TRPC5: variants seen among roughly 807,000 people sequenced by gnomAD.
TRPC5 encodes the protein short transient receptor potential channel 5.
A neutral mutation model predicts 56.5 loss-of-function variants in TRPC5; 9 were observed. That is an observed-to-expected ratio of 0.16 (90% CI 0.10 to 0.28). The LOEUF is 0.28. TRPC5 is among the 10% of genes least tolerant of loss of function. The probability of loss-of-function intolerance (pLI) is 1.00; values close to 1 mark genes in which losing one functional copy is unlikely to be tolerated. For synonymous variants in TRPC5, 282 were observed against 278.5 expected (o/e 1.01, Z -0.13); for missense variants, 469 against 748.9 (o/e 0.63, Z 4.36).
At chrX:111,936,939 G>C (rs1186091871) in intron 2 of TRPC5, among the ~76,000 whole-genome samples, 1 of 104,465 alleles carries the variant, frequency 9.6e-6, no homozygotes, top group African/African-American at 3.7e-5. Flanking sequence ...CACAAGGGTT[G>C]AACTAGTTTA....
At chrX:111,862,494 T>C (rs1923431900) in intron 3 of TRPC5, among the ~76,000 whole-genome samples, 1 of 112,360 alleles carries the variant, frequency 8.9e-6, no homozygotes. Flanking sequence ...CTGACAGACT[T>C]ACTGTTGTCA....
chrX:111,842,587 G>A (rs984790023), intron 6 of TRPC5, among the ~76,000 whole-genome samples: 5 of 112,281 alleles, frequency 4.5e-5, no homozygotes, highest in African/African-American at 1.6e-4. Context: ...CAACGCTTTG[G>A]ATGGAAATCG....
chrX:111,791,055 A>AAAAAC (rs1946017203), intron 7 of TRPC5, among the ~76,000 whole-genome samples: 1 of 82,850 alleles, frequency 1.2e-5, no homozygotes, highest in Non-Finnish European at 2.2e-5. Flanking sequence ...AAAAAAAAAG[A>AAAAAC]CCTGACCCTC....
intron 7 of TRPC5, among the ~76,000 whole-genome samples, chrX:111,817,362 T>C (rs1921891424): frequency 1.0e-5 from 1 of 100,304 alleles, no homozygotes; most frequent in Admixed American, 1.1e-4. Context: ...AGTCTAGCTC[T>C]ATCACCCAGG....
intron 1 of TRPC5, among the ~76,000 whole-genome samples, chrX:112,000,215 A>G (rs2148659420): frequency 9.0e-6 from 1 of 111,512 alleles, no homozygotes; most frequent in Non-Finnish European, 1.9e-5. Context: ...TCAATCAGCA[A>G]CCTTTATTAG....
chrX:111,969,029 C>CA (rs201805677), intron 1 of TRPC5, among the ~76,000 whole-genome samples: 8,127 of 103,463 alleles, frequency 0.079, 338 homozygotes, highest in Non-Finnish European at 0.12. Context: ...ATAAAAACAA[C>CA]AAAAAAAATA....
At chrX:112,002,862 G>A (rs769542641) in intron 1 of TRPC5, among the ~76,000 whole-genome samples, 1 of 112,156 alleles carries the variant, frequency 8.9e-6, no homozygotes, top group South Asian at 3.7e-4. Flanking sequence ...CATAAACATT[G>A]TGACCAACCA....
At chrX:111,866,131 A>G (rs1030476454) in intron 3 of TRPC5, among the ~76,000 whole-genome samples, 3 of 113,635 alleles carry the variant, frequency 2.6e-5, no homozygotes, top group South Asian at 7.1e-4. Context: ...CTGACAATCC[A>G]TGGATGGTAT....
chrX:112,024,592 G>C (rs1339314777), intron 1 of TRPC5, among the ~76,000 whole-genome samples: 2 of 111,123 alleles, frequency 1.8e-5, no homozygotes, highest in Non-Finnish European at 3.8e-5. Flanking sequence ...TGCAGGTCTT[G>C]GGACTCTCAG....
At chrX:111,803,513 A>G (rs764439105) in intron 7 of TRPC5, among the ~76,000 whole-genome samples, 22 of 112,024 alleles carry the variant, frequency 2.0e-4, no homozygotes, top group Non-Finnish European at 3.6e-4. Flanking sequence ...CCTCTCCAGC[A>G]TCTGTGGTTT....
chrX:112,048,513 C>G, intron 1 of TRPC5, among the ~76,000 whole-genome samples: 1 of 110,191 alleles, frequency 9.1e-6, no homozygotes, highest in East Asian at 2.8e-4. Flanking sequence ...CTCATGGACC[C>G]TGAGATGCCA....
intron 3 of TRPC5, among the ~76,000 whole-genome samples, chrX:111,899,437 G>T (rs1925233328): frequency 9.0e-6 from 1 of 111,428 alleles, no homozygotes; most frequent in Non-Finnish European, 1.9e-5. Flanking sequence ...AAGAAAAGAT[G>T]ATGGAAAAGG....
At chrX:111,881,397 C>A (rs1306346089) in intron 3 of TRPC5, among the ~76,000 whole-genome samples, 2 of 110,626 alleles carry the variant, frequency 1.8e-5, no homozygotes, top group Non-Finnish European at 3.8e-5. Flanking sequence ...TGGATGGTTT[C>A]AATCCCTTGA....
At position 111,870,155 on chromosome X, in the gene TRPC5, C is replaced by T. The variant is rs192498653; in HGVS notation, c.901-16049G>A. Among the ~76,000 whole-genome samples the T allele has an allele frequency of 1.2e-3, 138 of 111,885 alleles. 1 individual carries two copies. The highest frequency in any genetic ancestry group is 2.0e-3 in the Non-Finnish European group (104 of 53,182). ...TGGGAGCTGAGTCCCCATGAAGTACCAAGCCCAGTGCTGGGAGGATGCTAT... is the reference window on the plus strand; with the variant it reads ...TGGGAGCTGAGTCCCCATGAAGTACTAAGCCCAGTGCTGGGAGGATGCTAT... On this transcript the variant is annotated intron_variant, in intron 3 of 10. Coordinates refer to ENST00000262839, the MANE Select transcript of TRPC5 (RefSeq NM_012471.3).
chrX:112,072,707 G>A (rs943771676), intron 1 of TRPC5, among the ~76,000 whole-genome samples: 1 of 112,098 alleles, frequency 8.9e-6, no homozygotes, highest in Admixed American at 9.5e-5. Flanking sequence ...TTAAAGCTAA[G>A]ATGAGACTGA....
intron 1 of TRPC5, among the ~76,000 whole-genome samples, chrX:111,973,935 A>G (rs893683645): frequency 6.3e-5 from 7 of 111,522 alleles, no homozygotes; most frequent in Non-Finnish European, 9.4e-5. Flanking sequence ...AAGTTGGCAA[A>G]TGCTATAAAT....
At chrX:111,994,699 CTGTT>C (rs1928469258) in intron 1 of TRPC5, among the ~76,000 whole-genome samples, 1 of 111,213 alleles carries the variant, frequency 9.0e-6, no homozygotes, top group African/African-American at 3.3e-5. Context: ...ATTTGGCTAT[CTGTT>C]TGTCTGTTAA....
intron 3 of TRPC5, among the ~76,000 whole-genome samples, chrX:111,891,922 A>T (rs1924827387): frequency 8.9e-6 from 1 of 112,387 alleles, no homozygotes; most frequent in African/African-American, 3.2e-5. Flanking sequence ...GAAACTATAA[A>T]ATATTTGAAT....
chrX:111,980,816 A>G (rs958167991), intron 1 of TRPC5, among the ~76,000 whole-genome samples: 1 of 107,443 alleles, frequency 9.3e-6, no homozygotes, highest in African/African-American at 3.4e-5. Flanking sequence ...CATCATTTAT[A>G]TCAATAAAAT....
Sources: gnomAD v4.1 joint callset for allele counts (sites outside exome capture counted in the v4.1 genomes callset) on GRCh38, gnomAD v4.1.1 for gene constraint, MANE v1.5 for transcripts, NCBI Gene and HGNC (gene_info 2026-07-23, HGNC 2026-07-21) for gene names.